Variants in CLIC2 observed in about 807,000 individuals in gnomAD.
CLIC2 encodes CLIC family member 2.
Under a neutral mutation model 14.8 loss-of-function variants are expected in CLIC2, and 9 were observed. The observed-to-expected ratio is 0.61, with a 90% CI of 0.37 to 1.06. CLIC2 has a LOEUF of 1.06. Ranked by LOEUF, CLIC2 falls within the 50% of genes least tolerant of loss-of-function variation. CLIC2 has a pLI of 0.01. For synonymous variants in CLIC2, 61 were observed against 66.3 expected, an observed-to-expected ratio of 0.92 and a Z score of 0.39; for missense variants, 148 against 181.4, an observed-to-expected ratio of 0.82 and a Z score of 1.06.
intron 1 of CLIC2, among the ~76,000 whole-genome samples, chrX:155,306,268 C>A (rs1363843882): frequency 1.8e-5 from 2 of 110,619 alleles, no homozygotes; most frequent in African/African-American, 6.6e-5. Flanking sequence ...CAGTTAGTTC[C>A]CTCGAGATCT....
intron 3 of CLIC2, among the ~76,000 whole-genome samples, chrX:155,293,655 T>C (rs1050032095): frequency 8.9e-6 from 1 of 111,875 alleles, no homozygotes; most frequent in African/African-American, 3.3e-5. Context: ...TCCAACTACA[T>C]AGTACTTACA....
chrX:155,288,461 G>T (rs2124159925), intron 3 of CLIC2, among the ~76,000 whole-genome samples: 1 of 111,496 alleles, frequency 9.0e-6, no homozygotes, highest in African/African-American at 3.3e-5. Context: ...GAGTATAATT[G>T]CACATAGATG....
At chrX:155,280,925 C>G (rs912079699) in intron 3 of CLIC2, among the ~76,000 whole-genome samples, 4 of 105,789 alleles carry the variant, frequency 3.8e-5, no homozygotes, top group Non-Finnish European at 5.8e-5. Flanking sequence ...GCATTATTCA[C>G]AAAAGCTAAC....
chrX:155,277,774 G>T lies in CLIC2; in HGVS notation c.*129C>A. On this transcript the variant is annotated 3_prime_UTR_variant, in exon 6 of 6. Transcript: ENST00000369449. Reference sequence around the variant, plus strand: ...ATTTATGGCTAATAGAAAATACAGAGTTCCTTTTCATAAGAGAGTTGGATA... The same window carrying T: ...ATTTATGGCTAATAGAAAATACAGATTTCCTTTTCATAAGAGAGTTGGATA... 1 of 563,276 alleles carries T rather than the reference G, an allele frequency of 1.8e-6. No individual in the cohort carries two copies. Among genetic ancestry groups the T allele is most frequent in the African/African-American group, 2.3e-5 (1 of 43,803 alleles). The allele number at this position is 563,276 out of a possible 1,213,427, so 46.4% of individuals were successfully genotyped here. A position where few individuals can be genotyped will look rare whatever the true frequency, so the allele number is the denominator to read the frequency against.
At chrX:155,307,240 C>T (rs2075059090) in intron 1 of CLIC2, among the ~76,000 whole-genome samples, 1 of 111,157 alleles carries the variant, frequency 9.0e-6, no homozygotes, top group Non-Finnish European at 1.9e-5. Context: ...TATATGGGGT[C>T]TGTCAGGGAA....
intron 3 of CLIC2, chrX:155,292,939 A>T (rs1364214372): frequency 5.6e-6 from 6 of 1,070,526 alleles, no homozygotes; most frequent in Admixed American, 2.2e-5. Flanking sequence ...AACAAAGGTC[A>T]GTTCTTACCC....
chrX:155,303,603 G>T, intron 1 of CLIC2, among the ~76,000 whole-genome samples: 1 of 35,456 alleles, frequency 2.8e-5, no homozygotes. Context: ...ATTGTTATGT[G>T]TGAATTTGAT....
chrX:155,333,505 T>A (rs1457353257), intron 1 of CLIC2, among the ~76,000 whole-genome samples: 1 of 110,564 alleles, frequency 9.0e-6, no homozygotes, highest in Non-Finnish European at 1.9e-5. Flanking sequence ...AGGCACAATA[T>A]GAGTTTGTTA....
intron 1 of CLIC2, among the ~76,000 whole-genome samples, chrX:155,305,034 T>C (rs1394250175): frequency 8.9e-6 from 1 of 111,808 alleles, no homozygotes. Context: ...TGTCTTTTTG[T>C]TTGTCTATGC....
At chrX:155,326,450 G>T (rs1294869062) in intron 1 of CLIC2, among the ~76,000 whole-genome samples, 1 of 111,741 alleles carries the variant, frequency 8.9e-6, no homozygotes, top group African/African-American at 3.3e-5. Context: ...AACACAAAAT[G>T]CTGGTAAGAA....
intron 1 of CLIC2, among the ~76,000 whole-genome samples, chrX:155,324,176 A>G (rs2075127640): frequency 8.9e-6 from 1 of 112,517 alleles, no homozygotes; most frequent in Non-Finnish European, 1.9e-5. Context: ...TATGTAACAA[A>G]CCTGCACGTT....
intron 1 of CLIC2, among the ~76,000 whole-genome samples, chrX:155,304,020 C>T (rs2075033672): frequency 9.4e-6 from 1 of 106,294 alleles, no homozygotes; most frequent in African/African-American, 3.4e-5. Context: ...AACATTTTTT[C>T]CTTCATTTCA....
intron 3 of CLIC2, among the ~76,000 whole-genome samples, chrX:155,280,889 A>C (rs2124148465): frequency 9.2e-6 from 1 of 108,139 alleles, no homozygotes; most frequent in African/African-American, 3.4e-5. Flanking sequence ...CCTCATGGAG[A>C]TATCTGTGCT....
In CLIC2 at chrX:155,290,507, C is replaced by T. The variant is rs189967148; in HGVS notation, c.293+8278G>A. On this transcript the variant is annotated intron_variant, in intron 3 of 5. Transcript: ENST00000369449. ...TCTATCTCAATCTTTCTAATTACAT[C>T]CATTACAACATCCATAGTTGTCTTT... is the stretch of plus-strand genomic sequence containing the variant. The T allele has an allele frequency of 1.0e-4, 57 of 551,089 alleles. No homozygotes were observed. In the Admixed American group the frequency reaches 1.3e-3, roughly 13 times the overall value. The allele number at this position is 551,089 out of a possible 1,213,427, so 45.4% of individuals were successfully genotyped here. A position where few individuals can be genotyped will look rare whatever the true frequency, so the allele number is the denominator to read the frequency against.
At chrX:155,303,048 T>A (rs1178204513) in intron 1 of CLIC2, among the ~76,000 whole-genome samples, 1 of 86,813 alleles carries the variant, frequency 1.2e-5, no homozygotes, top group Non-Finnish European at 2.4e-5. Flanking sequence ...GAAAAAAATG[T>A]ATATTCTATT....
chrX:155,300,314 T>C (rs1485782201), intron 1 of CLIC2, among the ~76,000 whole-genome samples: 1 of 110,559 alleles, frequency 9.0e-6, no homozygotes. Flanking sequence ...GATTTGCATT[T>C]CTCTGATGGC....
chrX:155,305,899 T>C (rs1208272284), intron 1 of CLIC2, among the ~76,000 whole-genome samples: 1 of 112,160 alleles, frequency 8.9e-6, no homozygotes, highest in Non-Finnish European at 1.9e-5. Flanking sequence ...AAAAAACATA[T>C]TTCCTTACTT....
At chrX:155,300,514 C>T (rs1387084689) in intron 1 of CLIC2, among the ~76,000 whole-genome samples, 1 of 110,999 alleles carries the variant, frequency 9.0e-6, no homozygotes, top group African/African-American at 3.3e-5. Context: ...AAATTTTCTC[C>T]CATTTTGTAG....
At chrX:155,309,702 G>T in intron 1 of CLIC2, 1 of 148,660 alleles carries the variant, frequency 6.7e-6, no homozygotes, top group Non-Finnish European at 1.3e-5. Context: ...GATCTCATGA[G>T]ACTTACTACC....
Sources: gnomAD v4.1 joint callset for allele counts (sites outside exome capture counted in the v4.1 genomes callset) on GRCh38, gnomAD v4.1.1 for gene constraint, MANE v1.5 for transcripts, NCBI Gene and HGNC (gene_info 2026-07-23, HGNC 2026-07-21) for gene names.